The following COL4A3 variants were observed in gnomAD, a reference collection of about 807,000 sequenced individuals.
COL4A3 encodes the protein collagen type IV alpha 3 chain, also known as collagen alpha-3(IV) chain.
Under a neutral mutation model 217.4 loss-of-function variants are expected in COL4A3, and 135 were observed. That is an observed-to-expected ratio of 0.62 (90% CI 0.54 to 0.72). The LOEUF (loss-of-function observed/expected upper bound fraction) is 0.72. Ranked by LOEUF, COL4A3 falls within the 30% of genes least tolerant of loss-of-function variation. COL4A3 has a pLI of 0.00. For missense variants in COL4A3, 1,868 were observed against 2,119.9 expected (o/e 0.88, Z 2.33); for synonymous variants, 690 against 736.3 (o/e 0.94, Z 1.02).
chr2:227,208,338 C>T (rs2067179201), intron 1 of COL4A3, among the ~76,000 whole-genome samples: 1 of 152,144 alleles, frequency 6.6e-6, no homozygotes. Flanking sequence ...AGAGTCCGAA[C>T]CTCCCCAAAT....
At chr2:227,236,635 A>G (rs1373893404) in intron 1 of COL4A3, among the ~76,000 whole-genome samples, 2 of 152,066 alleles carry the variant, frequency 1.3e-5, no homozygotes, top group Non-Finnish European at 2.9e-5. Flanking sequence ...ATGTAACCAT[A>G]TAATATGCAG....
rs10804333 is a variant in COL4A3 at position 227,299,122 on chromosome 2, A to G, written c.3882+310A>G. ...TATAAAACCATCAGATCGGCCGGGC[A>G]TGGTGGCTCACGCCTGTAATCCCAG... On this transcript the variant is annotated intron_variant, in intron 43 of 51. Transcript: ENST00000396578. Among the ~76,000 whole-genome samples, 141,097 of 152,208 alleles carry G rather than the reference A, an allele frequency of 0.93. 65,439 individuals carry two copies. Among genetic ancestry groups the G allele is most frequent in the African/African-American group, 0.96 (39,858 of 41,534 alleles).
chr2:227,282,556 TTTC>T lies in COL4A3; in HGVS notation c.2656+30_2656+32del, dbSNP rs771881698. On this transcript the variant is annotated intron_variant, in intron 32 of 51. Transcript: ENST00000396578. This position sits in a 1 kb window ranked among gnomAD's most constrained non-coding sequence, Gnocchi z 4.4. ...AGGTATCCTTTTGTGTGTTTCTATT[TTTC>T]TTCTTATTTCTTCTTCTTCTTAAGG... 15 of 1,600,690 alleles carry T rather than the reference TTTC, an allele frequency of 9.4e-6. No individual in the cohort carries two copies. Among genetic ancestry groups the T allele is most frequent in the African/African-American group, 1.3e-5 (1 of 74,434 alleles).
chr2:227,232,828 AAAG>A (rs1488942885), intron 1 of COL4A3, among the ~76,000 whole-genome samples: 1 of 152,210 alleles, frequency 6.6e-6, no homozygotes, highest in African/African-American at 2.4e-5. Flanking sequence ...GAATGCATAA[AAAG>A]ACATTTGTTT....
At chr2:227,170,402 A>C (rs761986133) in intron 1 of COL4A3, among the ~76,000 whole-genome samples, 2 of 152,158 alleles carry the variant, frequency 1.3e-5, no homozygotes, top group Non-Finnish European at 2.9e-5. Flanking sequence ...AAGAGGTTTA[A>C]TGGACTCACA....
intron 1 of COL4A3, among the ~76,000 whole-genome samples, chr2:227,193,392 A>C (rs899191559): frequency 6.6e-6 from 1 of 152,222 alleles, no homozygotes; most frequent in Non-Finnish European, 1.5e-5. Flanking sequence ...CAGGATGTTT[A>C]AATAAATATT....
intron 43 of COL4A3, among the ~76,000 whole-genome samples, chr2:227,300,620 T>A (rs2073239792): frequency 6.6e-6 from 1 of 152,182 alleles, no homozygotes; most frequent in Non-Finnish European, 1.5e-5. Flanking sequence ...TAACTGAGTG[T>A]CTACTCTGTA....
rs373251831 is a variant in COL4A3 at position 227,304,047 on chromosome 2, G to A, written c.4056G>A (p.Lys1352=). 6.2e-7 allele frequency: 1 copy of A among 1,614,150 alleles called. No individual in the cohort carries two copies. ...TACGTGGAGACCCTGGCACACTTAA[G>A]ATTATCTCCCTTCCAGGAAGCCCAG... ...PGVRGDPGTL[K]IISLPGSPGP... The change falls in exon 46 of 52, where the codon AAG becomes AAA. Residue 1352 remains lysine, a synonymous_variant. Transcript: ENST00000396578.
rs1435481478 is a variant in COL4A3 at position 227,253,122 on chromosome 2, C to T, written c.646-174C>T. ...AGCTTTCTGCACCTTAAGAGCTCCT[C>T]CTTTAAAAGAAACATATCAATGCTC... On this transcript the variant is annotated intron_variant, in intron 11 of 51. Coordinates refer to ENST00000396578, the MANE Select transcript of COL4A3 (RefSeq NM_000091.5). The surrounding 1 kb of genome is among the most constrained non-coding windows in gnomAD (Gnocchi z 4.4). Among the ~76,000 whole-genome samples, 2 of 152,074 alleles carry T rather than the reference C, an allele frequency of 1.3e-5. No homozygotes were observed. Among genetic ancestry groups the T allele is most frequent in the Non-Finnish European group, 2.9e-5 (2 of 68,024 alleles).
Position 227,218,294 on chromosome 2 carries a change from G to A in COL4A3, c.88-19674G>A, listed in dbSNP as rs1170985751. Among the ~76,000 whole-genome samples, 3 of 151,776 alleles carry A rather than the reference G, an allele frequency of 2.0e-5. No homozygotes were observed. In the East Asian group the frequency reaches 5.8e-4, roughly 29 times the overall value. The stretch of plus-strand genomic sequence containing the variant: ...ATCCTGGCTAACACGGTGAAACCCC[G>A]TCTCTACTAAAGATACAAAAAATTA... On this transcript the variant is annotated intron_variant, in intron 1 of 51. Coordinates refer to ENST00000396578, the MANE Select transcript of COL4A3 (RefSeq NM_000091.5).
rs200464483 is a variant in COL4A3, at chr2:227,282,221, G to A, written c.2489-144G>A. On this transcript the variant is annotated intron_variant, in intron 31 of 51. Coordinates refer to ENST00000396578, the MANE Select transcript of COL4A3 (RefSeq NM_000091.5). The surrounding 1 kb of genome is among the most constrained non-coding windows in gnomAD (Gnocchi z 4.4). ...AGGGAGGCGGAGGGTACAGTGAGCCGAAATCGCCCCACTGCAATCCAGCCT... is the reference window on the plus strand; with the variant it reads ...AGGGAGGCGGAGGGTACAGTGAGCCAAAATCGCCCCACTGCAATCCAGCCT... 15 of 309,590 alleles carry A rather than the reference G, an allele frequency of 4.8e-5. 1 individual carries two copies. In the East Asian group the frequency reaches 7.1e-4, roughly 15 times the overall value. 19.2% of individuals were successfully genotyped at this position (309,590 alleles called of 1,614,324 possible).
chr2:227,311,788 A>T lies in COL4A3; in HGVS notation c.4931A>T (p.Lys1644Met). The change falls in exon 52 of 52, where the codon AAG becomes ATG. Residue 1644 changes from lysine (K) to methionine (M), a missense_variant and splice_region_variant. By Grantham distance (95) the Lys-to-Met change is moderately conservative. Around this residue, in one of 2 missense-constraint regions of COL4A3, gnomAD observed 1,503 missense variants for 1,786.1 expected, o/e 0.84. Coordinates refer to ENST00000396578, the MANE Select transcript of COL4A3 (RefSeq NM_000091.5). ...ASLNPERMFR[K>M]PIPSTVKAGE... Reference sequence around the variant, plus strand: ...TTTTTGGTTTGTTTTTATTTCAGAAAGCCTATTCCATCAACTGTGAAAGCT... The same window carrying T: ...TTTTTGGTTTGTTTTTATTTCAGAATGCCTATTCCATCAACTGTGAAAGCT... 3 of 1,613,374 alleles carry T rather than the reference A, an allele frequency of 1.9e-6. No homozygotes were observed. The highest frequency in any genetic ancestry group is 2.5e-6 in the Non-Finnish European group (3 of 1,179,834).
rs1574534511 is a variant in COL4A3 at position 227,196,314 on chromosome 2, G to A, written c.87+31501G>A. ...AAAATGCCCTATATAGGTGTACTAT[G>A]TTTTTATCTTTTTTTTTTTTTTAGA... On this transcript the variant is annotated intron_variant, in intron 1 of 51. Coordinates refer to ENST00000396578, the MANE Select transcript of COL4A3 (RefSeq NM_000091.5). 2.0e-5 allele frequency among the ~76,000 whole-genome samples: 3 copies of A among 151,190 alleles called. No individual in the cohort carries two copies. In the South Asian group the frequency reaches 6.3e-4, roughly 32 times the overall value.
Position 227,267,086 on chromosome 2 carries a change from C to T in COL4A3, c.1502C>T (p.Pro501Leu), listed in dbSNP as rs1369808489. 6.2e-7 allele frequency: 1 copy of T among 1,611,484 alleles called. No homozygotes were observed. Among genetic ancestry groups the T allele is most frequent in the African/African-American group, 1.3e-5 (1 of 74,838 alleles). The change falls in exon 23 of 52, where the codon CCA becomes CTA. Residue 501 changes from proline (P) to leucine (L), a missense_variant and splice_region_variant. Pro to Leu is a moderately conservative substitution (Grantham distance 98). Transcript: ENST00000396578. ...LPGLHGVKGI[P>L]GRQGAAGLKG... ...GGGTTACATGGTGTAAAAGGAATCC[C>T]AGGTACAAACAATTTGCATGCAAGT...
chr2:227,224,910 G>GT (rs1466747644), intron 1 of COL4A3, among the ~76,000 whole-genome samples: 1 of 152,090 alleles, frequency 6.6e-6, no homozygotes, highest in African/African-American at 2.4e-5. Flanking sequence ...AAGTAATCTA[G>GT]TTTTGTTTTG....
chr2:227,171,712 T>A (rs2065479658), intron 1 of COL4A3, among the ~76,000 whole-genome samples: 1 of 152,112 alleles, frequency 6.6e-6, no homozygotes, highest in Non-Finnish European at 1.5e-5. Flanking sequence ...TCTTGCCTCC[T>A]CTGAAGAAAG....
At chr2:227,211,933 C>T (rs1020923013) in intron 1 of COL4A3, among the ~76,000 whole-genome samples, 7 of 152,130 alleles carry the variant, frequency 4.6e-5, no homozygotes, top group Admixed American at 1.3e-4. Context: ...TCCCAAAGTG[C>T]TAGGATTATA....
chr2:227,210,783 C>G (rs1347777107), intron 1 of COL4A3, among the ~76,000 whole-genome samples: 1 of 152,136 alleles, frequency 6.6e-6, no homozygotes, highest in Non-Finnish European at 1.5e-5. Flanking sequence ...TTTTATGTTA[C>G]CTATTTTCTT....
At chr2:227,228,770 G>A (rs959353160) in intron 1 of COL4A3, 3 of 152,182 alleles carry the variant, frequency 2.0e-5, no homozygotes, top group African/African-American at 7.2e-5. Flanking sequence ...TCCTTCATGA[G>A]TTTTAAGGAT....
Sources: allele counts gnomAD v4.1 joint callset (sites outside exome capture counted in the v4.1 genomes callset), GRCh38; gene constraint gnomAD v4.1.1; regional missense constraint gnomAD v4.1.1; non-coding constraint Gnocchi (gnomAD v3.1); transcripts MANE v1.5; gene names NCBI Gene and HGNC (gene_info 2026-07-23, HGNC 2026-07-21).